ACTR2: variants seen among roughly 807,000 people sequenced by gnomAD.
The protein encoded by ACTR2 is actin related protein 2, also known as actin-related protein 2.
A neutral mutation model predicts 50.2 loss-of-function variants in ACTR2; 5 were observed. The observed-to-expected ratio is 0.10, with a 90% CI of 0.05 to 0.21. ACTR2 has a LOEUF of 0.21. Ranked by LOEUF, ACTR2 falls within the 10% of genes least tolerant of loss-of-function variation. The probability of loss-of-function intolerance (pLI) is 1.00; values close to 1 mark genes in which losing one functional copy is unlikely to be tolerated. For synonymous variants in ACTR2, 140 were observed against 162.9 expected, an observed-to-expected ratio of 0.86 and a Z score of 1.07; for missense variants, 180 against 480.6, an observed-to-expected ratio of 0.37 and a Z score of 5.85.
At chr2:65,265,197 A>C (rs1254724742) in intron 8 of ACTR2, 22 bp downstream of exon 8, 14 of 1,612,578 alleles carry the variant, frequency 8.7e-6, no homozygotes, top group Non-Finnish European at 1.2e-5. Flanking sequence ...TAAATCAACT[A>C]TTACTAACAT....
intron 8 of ACTR2, among the ~76,000 whole-genome samples, chr2:65,267,882 T>G (rs963415143): frequency 7.3e-6 from 1 of 136,898 alleles, no homozygotes; most frequent in African/African-American, 2.7e-5. Context: ...TTTTTTTTTT[T>G]TTTTTTTTGA....
intron 1 of ACTR2, 105 bp downstream of exon 1, chr2:65,228,062 G>T (rs961056617): frequency 9.0e-6 from 10 of 1,116,830 alleles, no homozygotes; most frequent in Non-Finnish European, 1.2e-5. Context: ...GGCCCTCGGG[G>T]CGAAGGGGCG....
chr2:65,229,658 A>C (rs1287839350), intron 1 of ACTR2, among the ~76,000 whole-genome samples: 1 of 147,164 alleles, frequency 6.8e-6, no homozygotes, highest in Middle Eastern at 3.3e-3. Context: ...CGGTAGGCTG[A>C]GGCAGGAGAA....
At chr2:65,229,961 T>A (rs1671604816) in intron 1 of ACTR2, among the ~76,000 whole-genome samples, 1 of 152,164 alleles carries the variant, frequency 6.6e-6, no homozygotes, top group African/African-American at 2.4e-5. Context: ...TTTGGAGGGA[T>A]ACATAAGAAA....
intron 7 of ACTR2, among the ~76,000 whole-genome samples, chr2:65,261,882 C>T (rs1672276445): frequency 6.6e-6 from 1 of 152,246 alleles, no homozygotes; most frequent in South Asian, 2.1e-4. Context: ...CTTTTCTCCA[C>T]ATCCTCGCCA....
At chr2:65,250,000 C>T (rs1400085581) in intron 3 of ACTR2, among the ~76,000 whole-genome samples, 3 of 152,132 alleles carry the variant, frequency 2.0e-5, no homozygotes, top group East Asian at 1.9e-4. Context: ...CAGAGCTACA[C>T]TCTTGGCCCA....
chr2:65,261,761 A>G (rs1280914063), intron 7 of ACTR2, among the ~76,000 whole-genome samples: 5 of 152,210 alleles, frequency 3.3e-5, no homozygotes, highest in Non-Finnish European at 5.9e-5. Context: ...CCAGTAGTGG[A>G]ATTGCTGGAT....
intron 7 of ACTR2, 87 bp from the exon 8 acceptor site, chr2:65,264,956 C>T (rs958783081): frequency 2.7e-6 from 4 of 1,479,944 alleles, no homozygotes. Context: ...CTCCCAGCAA[C>T]CCCGAGGCTG....
In ACTR2 at chr2:65,244,424, A is replaced by T. The variant is rs181772004; in HGVS notation, c.160-2100A>T. Among the ~76,000 whole-genome samples the T allele has an allele frequency of 1.1e-4, 17 of 152,310 alleles. No individual in the cohort carries two copies. The East Asian group carries it at 3.3e-3, about 29-fold the overall frequency. ...AAGAAAATGTAGCAATATTGAAATG[A>T]TTTTACAATGAAACTTGTATATCCA... On this transcript the variant is annotated intron_variant, in intron 2 of 8. Coordinates refer to ENST00000260641, the MANE Select transcript of ACTR2 (RefSeq NM_005722.4).
chr2:65,256,874 TAAA>T (rs57631144), intron 6 of ACTR2, among the ~76,000 whole-genome samples: 17 of 134,270 alleles, frequency 1.3e-4, no homozygotes, highest in East Asian at 2.4e-4. Flanking sequence ...TCCATGTCGG[TAAA>T]AAAAAAAAAA....
intron 8 of ACTR2, 74 bp downstream of exon 8, chr2:65,265,249 C>A: frequency 6.5e-7 from 1 of 1,546,542 alleles, no homozygotes; most frequent in Non-Finnish European, 8.9e-7. Flanking sequence ...TCTTGACAAC[C>A]ACCAGAGGGA....
At chr2:65,264,557 A>G (rs114612807) in intron 7 of ACTR2, among the ~76,000 whole-genome samples, 3 of 152,232 alleles carry the variant, frequency 2.0e-5, no homozygotes, top group Admixed American at 1.3e-4. Flanking sequence ...AAAAGAGGGT[A>G]CTGCTATAAG....
intron 3 of ACTR2, among the ~76,000 whole-genome samples, chr2:65,248,225 C>G (rs149142939): frequency 6.6e-6 from 1 of 152,082 alleles, no homozygotes; most frequent in Non-Finnish European, 1.5e-5. Context: ...CATAGTGAAA[C>G]GCCATCTCTA....
intron 6 of ACTR2, among the ~76,000 whole-genome samples, chr2:65,259,951 C>T (rs1418922831): frequency 2.0e-5 from 3 of 152,084 alleles, no homozygotes; most frequent in Non-Finnish European, 4.4e-5. Context: ...TGTACAAAGT[C>T]ATAATATGAT....
intron 5 of ACTR2, among the ~76,000 whole-genome samples, chr2:65,254,350 C>T (rs1672108878): frequency 6.6e-6 from 1 of 151,962 alleles, no homozygotes; most frequent in Non-Finnish European, 1.5e-5. Context: ...CCCAAATACG[C>T]CAGACTTTAA....
intron 1 of ACTR2, among the ~76,000 whole-genome samples, chr2:65,230,670 T>A (rs958979559): frequency 2.0e-5 from 3 of 151,936 alleles, no homozygotes; most frequent in Non-Finnish European, 2.9e-5. Context: ...TGCGGCCTCC[T>A]AAAGTGCTAG....
intron 6 of ACTR2, among the ~76,000 whole-genome samples, chr2:65,256,874 TAAAAAA>T (rs57631144): frequency 1.7e-3 from 229 of 134,224 alleles, no homozygotes; most frequent in Middle Eastern, 3.9e-3. Context: ...TCCATGTCGG[TAAAAAA>T]AAAAAAAAAA....
intron 1 of ACTR2, among the ~76,000 whole-genome samples, chr2:65,238,431 G>C (rs1472626452): frequency 2.6e-5 from 4 of 151,542 alleles, no homozygotes; most frequent in Non-Finnish European, 4.4e-5. Flanking sequence ...AGGCTGAGGC[G>C]GGCAGATCAC....
At chr2:65,256,208 C>T (rs2104010661) in intron 6 of ACTR2, among the ~76,000 whole-genome samples, 1 of 152,254 alleles carries the variant, frequency 6.6e-6, no homozygotes, top group South Asian at 2.1e-4. Flanking sequence ...ATCTAAGAAA[C>T]ATACTTTGGA....
Sources: allele counts gnomAD v4.1 joint callset (sites outside exome capture counted in the v4.1 genomes callset), GRCh38; gene constraint gnomAD v4.1.1; transcripts MANE v1.5; gene names NCBI Gene and HGNC (gene_info 2026-07-23, HGNC 2026-07-21).